The following SLC9A7 variants were observed in gnomAD, a reference collection of about 807,000 sequenced individuals.
SLC9A7 encodes solute carrier family 9 member A7, also known as sodium/hydrogen exchanger 7.
In SLC9A7, 19 loss-of-function variants were observed where a neutral mutation model predicts 52.6. The ratio of observed to expected loss-of-function variants is 0.36; its 90% confidence interval spans 0.25 to 0.53. The LOEUF is 0.53. Ranked by LOEUF, SLC9A7 falls within the 20% of genes least tolerant of loss-of-function variation. The pLI is 0.91. For synonymous variants in SLC9A7, 226 were observed against 252.1 expected, an observed-to-expected ratio of 0.90 and a Z score of 0.98; for missense variants, 455 against 597.9, an observed-to-expected ratio of 0.76 and a Z score of 2.49.
At chrX:46,672,663 A>T in intron 3 of SLC9A7, 36 bp from the exon 4 acceptor site, 1 of 1,035,123 alleles carries the variant, frequency 9.7e-7, no homozygotes, top group East Asian at 3.0e-5. Context: ...CAGGAATCAC[A>T]TTGTGATTTT....
At chrX:46,682,806 G>A (rs1944231477) in intron 1 of SLC9A7, among the ~76,000 whole-genome samples, 1 of 108,612 alleles carries the variant, frequency 9.2e-6, no homozygotes, top group South Asian at 4.1e-4. Flanking sequence ...GCACTTTTTT[G>A]TTTTTTGAGT....
intron 1 of SLC9A7, among the ~76,000 whole-genome samples, chrX:46,720,071 AC>A (rs759595287): frequency 9.0e-6 from 1 of 111,711 alleles, no homozygotes; most frequent in South Asian, 3.8e-4. Context: ...ATTACTGAGG[AC>A]CTCAATAGCT....
chrX:46,758,857 G>T lies in SLC9A7; in HGVS notation c.173C>A (p.Ala58Asp), dbSNP rs377347092. The change falls in exon 1 of 17, where the codon GCT (alanine) becomes GAT (aspartate). Residue 58 changes from alanine (A) to aspartate (D), a missense_variant. Around this residue, in one of 3 missense-constraint regions of SLC9A7, gnomAD observed 304 missense variants for 417.8 expected, o/e 0.73. Coordinates refer to ENST00000616978, the MANE Select transcript of SLC9A7 (RefSeq NM_001257291.2). ...GCTCTCCTCCGCCTCCTTCTCAGTA[G>T]CGAGCTCCTCCATGGCGCTGCTGTC... ...AEDSSAMEEL[A>D]TEKEAEESHR... The T allele has an allele frequency of 2.3e-4, 275 of 1,202,123 alleles. No individual in the cohort carries two copies. The highest frequency in any genetic ancestry group is 3.0e-4 in the Non-Finnish European group (264 of 892,029).
chrX:46,756,517 T>C (rs1391470202), intron 1 of SLC9A7, among the ~76,000 whole-genome samples: 1 of 111,951 alleles, frequency 8.9e-6, no homozygotes, highest in Non-Finnish European at 1.9e-5. Context: ...TAGTCTTCAG[T>C]ATACTATGAA....
intron 5 of SLC9A7, among the ~76,000 whole-genome samples, chrX:46,667,455 A>T (rs1338313862): frequency 1.8e-5 from 2 of 111,521 alleles, no homozygotes; most frequent in Admixed American, 1.9e-4. Context: ...TGATGTGGTA[A>T]CCATTAGCCA....
intron 15 of SLC9A7, among the ~76,000 whole-genome samples, chrX:46,617,878 T>G (rs1339661199): frequency 8.9e-6 from 1 of 111,983 alleles, no homozygotes; most frequent in Admixed American, 9.5e-5. Context: ...CATTCTGGAT[T>G]CTAATAGTCC....
chrX:46,723,873 A>G (rs759640048), intron 1 of SLC9A7, among the ~76,000 whole-genome samples: 60 of 111,962 alleles, frequency 5.4e-4, no homozygotes, highest in African/African-American at 1.8e-3. Context: ...GGATCACTTC[A>G]GGTCAGGAGT....
chrX:46,637,333 C>A (rs760977657), intron 12 of SLC9A7, among the ~76,000 whole-genome samples: 9 of 112,041 alleles, frequency 8.0e-5, no homozygotes, highest in Non-Finnish European at 1.5e-4. Context: ...GCCTTTGATT[C>A]CAAGGAGGCA....
intron 14 of SLC9A7, among the ~76,000 whole-genome samples, chrX:46,623,553 G>A (rs1943078086): frequency 9.0e-6 from 1 of 111,349 alleles, no homozygotes; most frequent in African/African-American, 3.3e-5. Flanking sequence ...AGAAGTGTAG[G>A]TGTGGATATC....
At chrX:46,627,137 C>G (rs763013293) in intron 14 of SLC9A7, among the ~76,000 whole-genome samples, 6 of 110,908 alleles carry the variant, frequency 5.4e-5, no homozygotes, top group Non-Finnish European at 9.4e-5. Flanking sequence ...CAAAGCAAGA[C>G]CCTGTCTCTA....
intron 1 of SLC9A7, among the ~76,000 whole-genome samples, chrX:46,686,791 C>A (rs1944302368): frequency 8.9e-6 from 1 of 111,830 alleles, no homozygotes; most frequent in Non-Finnish European, 1.9e-5. Context: ...GAGACAATCA[C>A]TGATTTCGTA....
At chrX:46,704,383 G>C (rs903280335) in intron 1 of SLC9A7, among the ~76,000 whole-genome samples, 4 of 112,190 alleles carry the variant, frequency 3.6e-5, no homozygotes, top group African/African-American at 1.3e-4. Context: ...CACATAAAGT[G>C]TCAATTCTCT....
intron 1 of SLC9A7, among the ~76,000 whole-genome samples, chrX:46,731,432 T>TATATTAAAAAAAAAAA (rs748259550): frequency 6.5e-4 from 51 of 78,272 alleles, no homozygotes; most frequent in Non-Finnish European, 1.2e-3. Flanking sequence ...TATAAAAAAT[T>TATATTAAAAAAAAAAA]AAAAAAAATT....
intron 7 of SLC9A7, among the ~76,000 whole-genome samples, chrX:46,660,121 A>C (rs1943786818): frequency 9.2e-6 from 1 of 108,625 alleles, no homozygotes; most frequent in Non-Finnish European, 1.9e-5. Flanking sequence ...CAATGGGGAA[A>C]GGATTCCCTA....
intron 1 of SLC9A7, among the ~76,000 whole-genome samples, chrX:46,737,177 T>C (rs1200067428): frequency 8.9e-6 from 1 of 111,960 alleles, no homozygotes; most frequent in East Asian, 2.8e-4. Context: ...TAGGCAGATT[T>C]TGGCAGTGGC....
intron 7 of SLC9A7, among the ~76,000 whole-genome samples, chrX:46,654,913 G>A (rs935113991): frequency 2.7e-5 from 3 of 109,301 alleles, no homozygotes; most frequent in Non-Finnish European, 5.7e-5. Flanking sequence ...AATGTGGCTA[G>A]TCCAAATTGA....
chrX:46,649,582 G>A (rs1416746414), intron 10 of SLC9A7, among the ~76,000 whole-genome samples: 1 of 112,021 alleles, frequency 8.9e-6, no homozygotes, highest in Non-Finnish European at 1.9e-5. Flanking sequence ...CACTCCCCTG[G>A]TCAGAGAAGG....
chrX:46,657,907 A>C (rs1432171633), intron 7 of SLC9A7, among the ~76,000 whole-genome samples: 20 of 106,574 alleles, frequency 1.9e-4, no homozygotes, highest in African/African-American at 6.1e-4. Flanking sequence ...ACCCCAAATC[A>C]ACAGAATATA....
intron 11 of SLC9A7, chrX:46,647,064 G>T: frequency 3.1e-6 from 1 of 324,005 alleles, no homozygotes. Context: ...CCACCAGAGT[G>T]CCACTCATTA....
Sources: gnomAD v4.1 joint callset for allele counts (sites outside exome capture counted in the v4.1 genomes callset) on GRCh38, gnomAD v4.1.1 for gene constraint, gnomAD v4.1.1 regional missense constraint, MANE v1.5 for transcripts, NCBI Gene and HGNC (gene_info 2026-07-23, HGNC 2026-07-21) for gene names.